RET: variants seen among roughly 807,000 people sequenced by gnomAD.
RET encodes the protein proto-oncogene tyrosine-protein kinase receptor Ret.
Under a neutral mutation model 118.3 loss-of-function variants are expected in RET, and 19 were observed. The ratio of observed to expected loss-of-function variants is 0.16; its 90% confidence interval spans 0.11 to 0.24. The LOEUF (loss-of-function observed/expected upper bound fraction) is 0.24, where lower values mean the gene tolerates loss of function less well. RET is among the 10% of genes least tolerant of loss of function. The pLI is 1.00. For synonymous variants in RET, 597 were observed against 644.1 expected (o/e 0.93, Z 1.11); for missense variants, 1,219 against 1,502.1 (o/e 0.81, Z 3.12).
intron 3 of RET, among the ~76,000 whole-genome samples, chr10:43,103,318 C>A (rs1322655032): frequency 6.6e-6 from 1 of 152,050 alleles, no homozygotes; most frequent in African/African-American, 2.4e-5. Flanking sequence ...TGGGAAGGTT[C>A]AGGGGCGAAG....
At chr10:43,125,572 G>T (rs563243246) in intron 18 of RET, among the ~76,000 whole-genome samples, 14 of 152,318 alleles carry the variant, frequency 9.2e-5, no homozygotes, top group Middle Eastern at 3.4e-3. Flanking sequence ...ATATCGGGGG[G>T]TGGCCAGAGT....
At chr10:43,100,070 T>G (rs918307962) in intron 1 of RET, among the ~76,000 whole-genome samples, 6 of 152,238 alleles carry the variant, frequency 3.9e-5, no homozygotes, top group African/African-American at 1.4e-4. Context: ...GATAAAGATT[T>G]ATGACTTTCC....
At chr10:43,093,039 C>G (rs1009411866) in intron 1 of RET, among the ~76,000 whole-genome samples, 3 of 152,174 alleles carry the variant, frequency 2.0e-5, no homozygotes, top group African/African-American at 4.8e-5. Flanking sequence ...TTCATTGATT[C>G]ATTCATTGGT....
chr10:43,130,040 A>T lies in RET; in HGVS notation c.*1771A>T. The T allele has an allele frequency of 2.5e-6, 1 of 398,668 alleles. No individual in the cohort carries two copies. Among genetic ancestry groups the T allele is most frequent in the Admixed American group, 4.4e-5 (1 of 22,736 alleles). The allele number at this position is 398,668 out of a possible 1,614,324, so 24.7% of individuals were successfully genotyped here. A position where few individuals can be genotyped will look rare whatever the true frequency, so the allele number is the denominator to read the frequency against. On this transcript the variant is annotated 3_prime_UTR_variant, in exon 20 of 20. Coordinates refer to ENST00000355710, the MANE Select transcript of RET (RefSeq NM_020975.6). ...CAGGTTTGTTCTCAGGAGGGTAAGA[A>T]CTCCAGGTCTAAACAGCTGACCCAG...
chr10:43,088,531 T>A (rs946000142), intron 1 of RET, among the ~76,000 whole-genome samples: 4 of 151,732 alleles, frequency 2.6e-5, no homozygotes, highest in African/African-American at 9.7e-5. Flanking sequence ...GAGGTGACGG[T>A]GATGTTGATG....
At chr10:43,105,322 G>A in intron 4 of RET, 129 bp downstream of exon 4, 3 of 1,381,646 alleles carry the variant, frequency 2.2e-6, no homozygotes, top group South Asian at 1.2e-5. Context: ...TTTGTCCTTC[G>A]CCTCCGTCTG....
At chr10:43,116,802 G>A in intron 12 of RET, 71 bp downstream of exon 12, 1 of 1,560,568 alleles carries the variant, frequency 6.4e-7, no homozygotes. Flanking sequence ...GGCCCCTCCT[G>A]CCCAGCATGG....
intron 14 of RET, 130 bp downstream of exon 14, chr10:43,119,875 C>A: frequency 7.9e-7 from 1 of 1,259,876 alleles, no homozygotes; most frequent in Non-Finnish European, 1.1e-6. Flanking sequence ...ATGCCCCTGC[C>A]ATGGCATGCC....
At chr10:43,079,824 C>T (rs531654612) in intron 1 of RET, among the ~76,000 whole-genome samples, 6 of 152,312 alleles carry the variant, frequency 3.9e-5, no homozygotes, top group African/African-American at 7.2e-5. Flanking sequence ...GGTATCAGCG[C>T]GGGCAGCTCA....
intron 12 of RET, among the ~76,000 whole-genome samples, chr10:43,117,893 A>G (rs909782660): frequency 6.6e-6 from 1 of 152,118 alleles, no homozygotes; most frequent in Non-Finnish European, 1.5e-5. Flanking sequence ...AGCACAGGAG[A>G]TGCCTGGGCT....
chr10:43,115,111 G>A (rs1207276738), intron 11 of RET, among the ~76,000 whole-genome samples: 1 of 152,016 alleles, frequency 6.6e-6, no homozygotes, highest in South Asian at 2.1e-4. Context: ...TCCTTGTCCC[G>A]GCCAGGCAGG....
intron 1 of RET, among the ~76,000 whole-genome samples, chr10:43,094,059 G>T (rs979499602): frequency 7.9e-6 from 1 of 126,224 alleles, no homozygotes. Flanking sequence ...TATAGTAAGA[G>T]AAAACGTGAG....
At position 43,128,169 on chromosome 10, in the gene RET, G is replaced by A. The variant is rs1554820310; in HGVS notation, c.3245G>A (p.Gly1082Asp). 1 of 1,614,152 alleles carries A rather than the reference G, an allele frequency of 6.2e-7. No homozygotes were observed. Among genetic ancestry groups the A allele is most frequent in the South Asian group, 1.1e-5 (1 of 91,082 alleles). Reference sequence around the variant, plus strand: ...CCTGTACCACTCACGAGAGCTGATGGCACTAACACTGGGTTTCCAAGATAT... The same window carrying A: ...CCTGTACCACTCACGAGAGCTGATGACACTAACACTGGGTTTCCAAGATAT... Reference protein sequence around the residue: ...ESPVPLTRADGTNTGFPRYPN... With the variant: ...ESPVPLTRADDTNTGFPRYPN... The change falls in exon 20 of 20, where the codon GGC becomes GAC. Residue 1082 changes from glycine to aspartate, a missense_variant. This residue lies in a region of RET where 174 missense variants were observed against 179.3 expected (regional missense o/e 0.97). Transcript: ENST00000355710.
At position 43,128,703 on chromosome 10, in the gene RET, A is replaced by G. The variant is rs954517352; in HGVS notation, c.*434A>G. ...TAAACATGAAGCACACACACAAAAA[A>G]GGCAGTAGGAAAAATGCTGGCCCTG... On this transcript the variant is annotated 3_prime_UTR_variant, in exon 20 of 20. Transcript: ENST00000355710. 36 of 381,436 alleles carry G rather than the reference A, an allele frequency of 9.4e-5. No individual in the cohort carries two copies. Among genetic ancestry groups the G allele is most frequent in the Non-Finnish European group, 1.6e-4 (33 of 203,934 alleles). The allele number at this position is 381,436 out of a possible 1,614,324, so 23.6% of individuals were successfully genotyped here.
chr10:43,077,301 T>TTGCTGCTGCTGC lies in RET; in HGVS notation c.47_58dup (p.Leu16_Leu19dup). 1 of 1,511,750 alleles carries TTGCTGCTGCTGC rather than the reference T, an allele frequency of 6.6e-7. No homozygotes were observed. Among genetic ancestry groups the TTGCTGCTGCTGC allele is most frequent in the South Asian group, 1.2e-5 (1 of 81,460 alleles). The allele number at this position is 1,511,750 out of a possible 1,614,324, so 93.6% of individuals were successfully genotyped here. A position where few individuals can be genotyped will look rare whatever the true frequency, so the allele number is the denominator to read the frequency against. ...CGGTGCCGCGGGGCTGCGTCTGCTGTTGCTGCTGCTGCTGCCGCTGCTAGG... is the reference window on the plus strand; with the variant it reads ...CGGTGCCGCGGGGCTGCGTCTGCTGTTGCTGCTGCTGCTGCTGCTGCTGCTGCCGCTGCTAGG... On this transcript the variant is annotated inframe_insertion, in exon 1 of 20. Transcript: ENST00000355710.
At chr10:43,119,438 G>T in intron 13 of RET, 93 bp from the exon 14 acceptor site, 1 of 1,051,242 alleles carries the variant, frequency 9.5e-7, no homozygotes, top group South Asian at 1.5e-5. Context: ...TTGGGTGGCC[G>T]GGCCTGGGGA....
chr10:43,125,101 CAGAG>C, intron 18 of RET, 119 bp downstream of exon 18: 3 of 925,800 alleles, frequency 3.2e-6, no homozygotes, highest in Non-Finnish European at 5.2e-6. Flanking sequence ...TGGGATTGTG[CAGAG>C]AGAGAGAGTC....
chr10:43,106,661 C>A lies in RET; in HGVS notation c.1063+90C>A. 3 of 1,333,334 alleles carry A rather than the reference C, an allele frequency of 2.3e-6. No individual in the cohort carries two copies. Among genetic ancestry groups the A allele is most frequent in the Non-Finnish European group, 3.1e-6 (3 of 952,830 alleles). The allele number at this position is 1,333,334 out of a possible 1,614,324, so 82.6% of individuals were successfully genotyped here. A position where few individuals can be genotyped will look rare whatever the true frequency, so the allele number is the denominator to read the frequency against. ...GCAAGCAGCACCCTACACACATGCA[C>A]ACCTGGCATGGCCCTCTGTGGCCCA... is the stretch of plus-strand genomic sequence containing the variant. On this transcript the variant is annotated intron_variant, in intron 5 of 19. Coordinates refer to ENST00000355710, the MANE Select transcript of RET (RefSeq NM_020975.6). This position sits in a 1 kb window ranked among gnomAD's most constrained non-coding sequence, Gnocchi z 5.1.
intron 16 of RET, 77 bp from the exon 17 acceptor site, chr10:43,123,594 G>A: frequency 2.5e-6 from 4 of 1,591,176 alleles, no homozygotes; most frequent in Non-Finnish European, 3.4e-6. Context: ...TTGGTGGTGG[G>A]GGTGGATATC....
Sources: allele counts gnomAD v4.1 joint callset (sites outside exome capture counted in the v4.1 genomes callset), GRCh38; gene constraint gnomAD v4.1.1; regional missense constraint gnomAD v4.1.1; non-coding constraint Gnocchi (gnomAD v3.1); transcripts MANE v1.5; gene names NCBI Gene and HGNC (gene_info 2026-07-23, HGNC 2026-07-21).